The following COG8 variants were observed in gnomAD, a reference collection of about 807,000 sequenced individuals.
The protein encoded by COG8 is conserved oligomeric Golgi complex subunit 8.
In COG8, 45 loss-of-function variants were observed where a neutral mutation model predicts 46.5. The observed-to-expected ratio is 0.97, with a 90% CI of 0.76 to 1.24. COG8 has a LOEUF of 1.24. COG8 is among the 50% of genes most tolerant of loss of function. The pLI, the probability that COG8 is intolerant of heterozygous loss-of-function variation, is 0.00. For synonymous variants in COG8, 407 were observed against 347.8 expected (o/e 1.17, Z -1.90); for missense variants, 793 against 820.8 (o/e 0.97, Z 0.41).
chr16:69,334,414 T>C lies in COG8; in HGVS notation c.1413+107A>G, dbSNP rs1208849993. ...AGAACCTCCAAAACCACACTAGACC[T>C]CTCCATGTCAGCAGACACCGTCAAA... On this transcript the variant is annotated intron_variant, in intron 3 of 5. Coordinates refer to ENST00000306875, the MANE Select transcript of COG8 (RefSeq NM_032382.5). 5 of 1,017,574 alleles carry C rather than the reference T, an allele frequency of 4.9e-6. No homozygotes were observed. In the African/African-American group the frequency reaches 8.0e-5, roughly 16 times the overall value. The allele number at this position is 1,017,574 out of a possible 1,614,324, so 63.0% of individuals were successfully genotyped here.
At chr16:69,332,641 C>A (rs777627418) in intron 4 of COG8, 73 bp downstream of exon 4, 1 of 1,373,082 alleles carries the variant, frequency 7.3e-7, no homozygotes, top group South Asian at 1.2e-5. Context: ...CACTGACTTA[C>A]ACAAATGGAT....
At chr16:69,331,453 CAAAAAA>C (rs1185929938) in intron 4 of COG8, among the ~76,000 whole-genome samples, 16,302 of 60,634 alleles carry the variant, frequency 0.27, 878 homozygotes, top group Non-Finnish European at 0.32. Context: ...AACTCCGTCT[CAAAAAA>C]AAAAAAAAAA....
chr16:69,334,765 A>T lies in COG8; in HGVS notation c.1169T>A (p.Phe390Tyr). Residue 390 changes from phenylalanine to tyrosine, a missense_variant, in exon 3 of 6, where the codon TTC (phenylalanine) becomes TAC (tyrosine). Transcript: ENST00000306875. ...CATGTAGGAGTTCATTTCTTCCTGGAATTTCTCCACTGTTTCCTGAATTGC... is the reference window on the plus strand; with the variant it reads ...CATGTAGGAGTTCATTTCTTCCTGGTATTTCTCCACTGTTTCCTGAATTGC... Reference protein sequence around the residue: ...QKAIQETVEKFQEEMNSYMLI... With the variant: ...QKAIQETVEKYQEEMNSYMLI... The T allele has an allele frequency of 6.2e-7, 1 of 1,614,100 alleles. No homozygotes were observed. The highest frequency in any genetic ancestry group is 1.1e-5 in the South Asian group (1 of 91,084).
At chr16:69,333,699 G>A (rs928327240) in intron 3 of COG8, among the ~76,000 whole-genome samples, 5 of 152,178 alleles carry the variant, frequency 3.3e-5, no homozygotes, top group African/African-American at 4.8e-5. Context: ...AGACTCTGAT[G>A]CTGGACTTCC....
rs1475055703 is a variant in COG8, at chr16:69,332,756, G to A, written c.1540C>T (p.Leu514Phe). 5 of 1,614,082 alleles carry A rather than the reference G, an allele frequency of 3.1e-6. No individual in the cohort carries two copies. The highest frequency in any genetic ancestry group is 4.5e-5 in the East Asian group (2 of 44,904). The change falls in exon 4 of 6, where the codon CTC becomes TTC. Residue 514 changes from leucine (L) to phenylalanine (F), a missense_variant. Coordinates refer to ENST00000306875, the MANE Select transcript of COG8 (RefSeq NM_032382.5). ...TGAGCTGGTGGAAAAAGGACTTGGA[G>A]ACAGCGATTTAAATACGGAACAAGG... Reference protein sequence around the residue: ...EDLVPYLNRCLQVLFPPAQIA... With the variant: ...EDLVPYLNRCFQVLFPPAQIA...
rs571595612 is a variant in COG8, at chr16:69,334,938, G to A, written c.996C>T (p.Thr332=). The A allele has an allele frequency of 1.4e-4, 229 of 1,614,106 alleles. 1 individual carries two copies. Among genetic ancestry groups the A allele is most frequent in the Non-Finnish European group, 1.9e-4 (220 of 1,180,024 alleles). The change falls in exon 3 of 6, where the codon ACC becomes ACT. Residue 332 remains threonine (T), a synonymous_variant. Transcript: ENST00000306875. ...GGCCGCCTATGCCCCGGTAAAGGTC[G>A]GTCTCCAGCACCTGCAGGAATTGTG... ...KVSQFLQVLE[T]DLYRGIGGHL... is the part of the protein sequence containing the mutation.
chr16:69,330,386 G>C, intron 5 of COG8: 8 of 1,479,198 alleles, frequency 5.4e-6, no homozygotes, highest in Non-Finnish European at 7.1e-6. Flanking sequence ...CGAGAACGGC[G>C]GTTCGGGAGG....
rs550000204 is a variant in COG8 at position 69,334,884 on chromosome 16, C to T, written c.1050G>A (p.Met350Ile). 1.9e-6 allele frequency: 3 copies of T among 1,614,212 alleles called. No homozygotes were observed. The African/African-American group carries it at 4.0e-5, about 22-fold the overall frequency. ...CCCGGCTGAAGGACAGCCCAAAGTA[C>T]ATGCACTGGCCCAGCAGAGAGTCCA... ...GHLDSLLGQCMYFGLSFSRVG... is the reference protein window; with the variant it reads ...GHLDSLLGQCIYFGLSFSRVG... Residue 350 changes from methionine (M) to isoleucine (I), a missense_variant, in exon 3 of 6, where the codon ATG becomes ATA. Transcript: ENST00000306875.
chr16:69,330,035 A>T, intron 5 of COG8: 1 of 1,546,310 alleles, frequency 6.5e-7, no homozygotes, highest in Non-Finnish European at 8.7e-7. Context: ...CACGCAGGCC[A>T]GGAAGCCGGC....
At position 69,339,205 on chromosome 16, in the gene COG8, G is replaced by A. The variant is rs755966571; in HGVS notation, c.348C>T (p.Asp116=). ...DVEASLGRLL[D]RLPSFQQSCR... is the part of the protein sequence containing the mutation. ...AGCTCTGCTGGAAGCTGGGCAAACG[G>A]TCGAGCAGGCGGCCGAGCGACGCCT... The change falls in exon 1 of 6, where the codon GAC becomes GAT. Residue 116 remains aspartate, a synonymous_variant. Coordinates refer to ENST00000306875, the MANE Select transcript of COG8 (RefSeq NM_032382.5). 6 of 1,612,898 alleles carry A rather than the reference G, an allele frequency of 3.7e-6. No homozygotes were observed. The highest frequency in any genetic ancestry group is 4.2e-6 in the Non-Finnish European group (5 of 1,179,884).
At position 69,334,433 on chromosome 16, in the gene COG8, C is replaced by T. The variant is rs1003525334; in HGVS notation, c.1413+88G>A. On this transcript the variant is annotated intron_variant, in intron 3 of 5. Coordinates refer to ENST00000306875, the MANE Select transcript of COG8 (RefSeq NM_032382.5). ...TAGACCTCTCCATGTCAGCAGACAC[C>T]GTCAAATAGACGGGTTTATTACAAA... The T allele has an allele frequency of 9.5e-5, 110 of 1,163,736 alleles. 1 individual carries two copies. The highest frequency in any genetic ancestry group is 2.0e-4 in the Middle Eastern group (1 of 5,112). 72.1% of individuals were successfully genotyped at this position (1,163,736 alleles called of 1,614,324 possible).
intron 1 of COG8, among the ~76,000 whole-genome samples, chr16:69,337,384 G>A (rs74604324): frequency 5.9e-5 from 9 of 151,876 alleles, no homozygotes; most frequent in South Asian, 2.1e-4. Context: ...GAAACAGAGC[G>A]AATGCGTCAA....
In COG8 at chr16:69,334,568, C is replaced by A; in HGVS notation, c.1366G>T (p.Ala456Ser). 6.2e-7 allele frequency: 1 copy of A among 1,614,190 alleles called. No individual in the cohort carries two copies. The highest frequency in any genetic ancestry group is 8.5e-7 in the Non-Finnish European group (1 of 1,180,052). ...GCCCCAGTCACATCCTGCGCCAGGG[C>A]CACAGGGCAGCAGAGGCGCAGATCA... is the stretch of plus-strand genomic sequence containing the variant. ...FNDLRLCCPV[A>S]LAQDVTGALE... The change falls in exon 3 of 6, where the codon GCC (alanine) becomes TCC (serine). Residue 456 changes from alanine (A) to serine (S), a missense_variant. Ala to Ser is a moderately conservative substitution (Grantham distance 99, BLOSUM62 1). Coordinates refer to ENST00000306875, the MANE Select transcript of COG8 (RefSeq NM_032382.5).
At chr16:69,329,346 G>C (rs990440566) in intron 5 of COG8, among the ~76,000 whole-genome samples, 167 bp from the exon 6 acceptor site, 1 of 152,152 alleles carries the variant, frequency 6.6e-6, no homozygotes, top group African/African-American at 2.4e-5. Flanking sequence ...CCCTCATCTC[G>C]GTCCATTACC....
intron 5 of COG8, among the ~76,000 whole-genome samples, chr16:69,329,593 G>C (rs1014317751): frequency 6.6e-6 from 1 of 152,202 alleles, no homozygotes; most frequent in African/African-American, 2.4e-5. Context: ...CCCCAGCAGA[G>C]CCCGCATTCC....
At chr16:69,334,450 T>TA (rs1456709788) in intron 3 of COG8, 71 bp downstream of exon 3, 2 of 1,318,792 alleles carry the variant, frequency 1.5e-6, no homozygotes, top group African/African-American at 1.4e-5. Context: ...TAGACGGGTT[T>TA]ATTACAAAAA....
chr16:69,339,354 G>A lies in COG8; in HGVS notation c.199C>T (p.Arg67Cys). 6.3e-7 allele frequency: 1 copy of A among 1,588,744 alleles called. No individual in the cohort carries two copies. The highest frequency in any genetic ancestry group is 2.3e-5 in the East Asian group (1 of 43,660). ...AGCTGCGCCCGCTCCTCCGCCAGGC[G>A]CTCGGGCTCGCGCCGCAGCCGCTCC... Reference protein sequence around the residue: ...GLERLRREPERLAEERAQLLQ... With the variant: ...GLERLRREPECLAEERAQLLQ... Residue 67 changes from arginine to cysteine, a missense_variant, in exon 1 of 6, where the codon CGC becomes TGC. Coordinates refer to ENST00000306875, the MANE Select transcript of COG8 (RefSeq NM_032382.5).
Position 69,335,242 on chromosome 16 carries a change from T to G in COG8, c.692A>C (p.Tyr231Ser). ...QLPACLRVIGYLRRMDVFTEA... is the reference protein window; with the variant it reads ...QLPACLRVIGSLRRMDVFTEA... ...AGTGAAGACGTCCATGCGCCGCAGG[T>G]AGCCAATGACACGGAGGCAGGCAGG... Residue 231 changes from tyrosine to serine, a missense_variant, in exon 3 of 6, where the codon TAC becomes TCC. Transcript: ENST00000306875. 6.2e-7 allele frequency: 1 copy of G among 1,614,006 alleles called. No individual in the cohort carries two copies. The highest frequency in any genetic ancestry group is 1.3e-5 in the African/African-American group (1 of 75,018).
rs573178649 is a variant in COG8, at chr16:69,334,836, C to T, written c.1098G>A (p.Gln366=). The stretch of plus-strand genomic sequence containing the variant: ...CCACCCGCTGGAAAACAGGAGCCAA[C>T]TGACCCCGGAAATCAGCTCCCACCC... The part of the protein sequence containing the change: ...FSRVGADFRG[Q]LAPVFQRVAI... The change falls in exon 3 of 6, where the codon CAG becomes CAA. Residue 366 remains glutamine (Q), a synonymous_variant. Coordinates refer to ENST00000306875, the MANE Select transcript of COG8 (RefSeq NM_032382.5). 1.9e-5 allele frequency: 30 copies of T among 1,614,194 alleles called. No individual in the cohort carries two copies. The highest frequency in any genetic ancestry group is 2.5e-5 in the Non-Finnish European group (29 of 1,180,044).
Sources: allele counts gnomAD v4.1 joint callset (sites outside exome capture counted in the v4.1 genomes callset), GRCh38; gene constraint gnomAD v4.1.1; transcripts MANE v1.5; gene names NCBI Gene and HGNC (gene_info 2026-07-23, HGNC 2026-07-21).